Variants in NR2C2 observed in about 807,000 individuals in gnomAD.
The protein encoded by NR2C2 is nuclear receptor subfamily 2 group C member 2, also known as Nuclear hormone receptor TR4.
A neutral mutation model predicts 62.9 loss-of-function variants in NR2C2; 6 were observed. The ratio of observed to expected loss-of-function variants is 0.10; its 90% CI spans 0.05 to 0.19. The LOEUF (loss-of-function observed/expected upper bound fraction) is 0.19, where lower values mean the gene tolerates loss of function less well. NR2C2 is among the 10% of genes least tolerant of loss of function. The probability of loss-of-function intolerance (pLI) is 1.00; values close to 1 mark genes in which losing one functional copy is unlikely to be tolerated. For synonymous variants in NR2C2, 272 were observed against 273.8 expected, an observed-to-expected ratio of 0.99 and a Z score of 0.07; for missense variants, 479 against 762.7, an observed-to-expected ratio of 0.63 and a Z score of 4.38.
In NR2C2 at chr3:15,043,135, C is replaced by A; in HGVS notation, c.*127C>A. Reference sequence around the variant, plus strand: ...TTAGCCATTTCCTGTCTGGTTTCTCCTTATCTGTTAATCCCAGACAATAGC... The same window carrying A: ...TTAGCCATTTCCTGTCTGGTTTCTCATTATCTGTTAATCCCAGACAATAGC... On this transcript the variant is annotated 3_prime_UTR_variant, in exon 14 of 14. Coordinates refer to ENST00000425241, the MANE Select transcript of NR2C2 (RefSeq NM_001291694.2). 2 of 838,836 alleles carry A rather than the reference C, an allele frequency of 2.4e-6. No homozygotes were observed. The highest frequency in any genetic ancestry group is 3.4e-6 in the Non-Finnish European group (2 of 583,674). 52.0% of individuals were successfully genotyped at this position (838,836 alleles called of 1,614,324 possible).
Position 15,032,365 on chromosome 3 carries a change from C to G in NR2C2, c.1111-14C>G. 3.1e-6 allele frequency: 5 copies of G among 1,614,178 alleles called. No homozygotes were observed. Among genetic ancestry groups the G allele is most frequent in the Non-Finnish European group, 4.2e-6 (5 of 1,180,014 alleles). ...TTCCTTCACCTCCTGTGCCATGTGC[C>G]TCCTCTTTTCCAGCTAACAATGCCC... is the stretch of plus-strand genomic sequence containing the variant. On this transcript the variant is annotated splice_polypyrimidine_tract_variant and intron_variant, in intron 9 of 13. Coordinates refer to ENST00000425241, the MANE Select transcript of NR2C2 (RefSeq NM_001291694.2).
At chr3:14,984,628 T>G (rs2040465906) in intron 1 of NR2C2, among the ~76,000 whole-genome samples, 1 of 152,236 alleles carries the variant, frequency 6.6e-6, no homozygotes, top group African/African-American at 2.4e-5. Context: ...GTTGCATATA[T>G]CAGTATTTAA....
intron 1 of NR2C2, among the ~76,000 whole-genome samples, chr3:14,997,068 C>T (rs1335959309): frequency 2.6e-5 from 4 of 152,192 alleles, no homozygotes; most frequent in African/African-American, 4.8e-5. Context: ...CACATAATGA[C>T]GGTTCTGTCA....
At chr3:15,019,105 A>G (rs2041599644) in intron 4 of NR2C2, among the ~76,000 whole-genome samples, 1 of 151,364 alleles carries the variant, frequency 6.6e-6, no homozygotes, top group South Asian at 2.1e-4. Context: ...GCACACCTAT[A>G]ATTCCAGCTA....
chr3:15,036,899 A>G (rs1186564468), intron 11 of NR2C2, among the ~76,000 whole-genome samples: 1 of 152,162 alleles, frequency 6.6e-6, no homozygotes, highest in East Asian at 1.9e-4. Context: ...AGGCAGGTGG[A>G]TAACTTGAGG....
At chr3:14,977,078 T>C (rs899500199) in intron 1 of NR2C2, among the ~76,000 whole-genome samples, 4 of 152,224 alleles carry the variant, frequency 2.6e-5, no homozygotes, top group Admixed American at 2.6e-4. Context: ...TCAGTTTTTT[T>C]CTAGTCTCTT....
chr3:14,995,668 C>CGT (rs58878848), intron 1 of NR2C2, among the ~76,000 whole-genome samples: 2,125 of 148,614 alleles, frequency 0.014, 23 homozygotes, highest in South Asian at 0.026. Context: ...GTTTTCATTA[C>CGT]GTGTGTGTGT....
rs2042509426 is a variant in NR2C2, at chr3:15,047,834, T to C, written c.*4826T>C. ...AAGCATGTAAATGACTTTAACTCCT[T>C]TCTATAAGTTATGATTTTAAATTTT... On this transcript the variant is annotated 3_prime_UTR_variant, in exon 14 of 14. Coordinates refer to ENST00000425241, the MANE Select transcript of NR2C2 (RefSeq NM_001291694.2). The C allele has an allele frequency of 6.6e-6, 1 of 152,252 alleles. No homozygotes were observed. 9.4% of individuals were successfully genotyped at this position (152,252 alleles called of 1,614,324 possible).
At chr3:15,033,970 T>G (rs75878885) in intron 10 of NR2C2, among the ~76,000 whole-genome samples, 1,889 of 152,356 alleles carry the variant, frequency 0.012, 26 homozygotes, top group South Asian at 0.058. Context: ...TCTCACTGCC[T>G]TCCTGTGGCT....
intron 9 of NR2C2, among the ~76,000 whole-genome samples, chr3:15,031,345 T>A (rs2041974375): frequency 1.3e-5 from 2 of 151,122 alleles, no homozygotes; most frequent in Non-Finnish European, 2.9e-5. Context: ...GTCTCCAGAC[T>A]GCTGAGTCCT....
chr3:14,979,316 C>A (rs1375089419), intron 1 of NR2C2, among the ~76,000 whole-genome samples: 2 of 152,158 alleles, frequency 1.3e-5, no homozygotes, highest in African/African-American at 4.8e-5. Flanking sequence ...TGATGGACTG[C>A]AAGGTATTCC....
At chr3:15,020,703 A>G (rs370897956) in intron 4 of NR2C2, 50 bp from the exon 5 acceptor site, 2 of 1,594,446 alleles carry the variant, frequency 1.3e-6, no homozygotes, top group African/African-American at 2.7e-5. Context: ...TCTTTGGTGA[A>G]TCCACAAATA....
At chr3:14,981,844 A>C (rs977833320) in intron 1 of NR2C2, among the ~76,000 whole-genome samples, 4 of 152,162 alleles carry the variant, frequency 2.6e-5, no homozygotes, top group African/African-American at 4.8e-5. Flanking sequence ...CGAGGGCAGG[A>C]AGCATCCAGC....
At chr3:14,995,273 T>C (rs2040799532) in intron 1 of NR2C2, among the ~76,000 whole-genome samples, 1 of 149,376 alleles carries the variant, frequency 6.7e-6, no homozygotes, top group Non-Finnish European at 1.5e-5. Context: ...TACAATATTG[T>C]GCAGCCATCG....
At chr3:14,967,633 A>C (rs1337557483) in intron 1 of NR2C2, among the ~76,000 whole-genome samples, 3 of 152,204 alleles carry the variant, frequency 2.0e-5, no homozygotes, top group Non-Finnish European at 2.9e-5. Flanking sequence ...TGAGAGCTTG[A>C]ATCATGTCTA....
At chr3:15,000,375 C>G (rs1369077723) in intron 1 of NR2C2, among the ~76,000 whole-genome samples, 1 of 152,158 alleles carries the variant, frequency 6.6e-6, no homozygotes, top group Non-Finnish European at 1.5e-5. Flanking sequence ...GAATAGTATT[C>G]CATTGTGTGT....
intron 13 of NR2C2, among the ~76,000 whole-genome samples, chr3:15,039,444 A>C (rs949362170): frequency 6.6e-6 from 1 of 152,156 alleles, no homozygotes; most frequent in Non-Finnish European, 1.5e-5. Flanking sequence ...GAGTGTAGAC[A>C]GTGCCAGCAG....
intron 1 of NR2C2, among the ~76,000 whole-genome samples, chr3:14,990,400 G>A (rs1015697209): frequency 3.3e-5 from 5 of 152,186 alleles, no homozygotes; most frequent in Admixed American, 2.6e-4. Context: ...CATATTATTA[G>A]ACAAACTGTT....
Position 15,034,757 on chromosome 3 carries a change from C to G in NR2C2, c.1320C>G (p.Leu440=). 6.2e-7 allele frequency: 1 copy of G among 1,614,102 alleles called. No homozygotes were observed. Among genetic ancestry groups the G allele is most frequent in the South Asian group, 1.1e-5 (1 of 91,060 alleles). ...CCCAGTGTGCCCAGGTCATGAGTCT[C>G]TCCACCATCCTGGCTGCCATTGTCA... The part of the protein sequence containing the change: ...GLAQCAQVMS[L]STILAAIVNH... Residue 440 remains leucine (L), a synonymous_variant, in exon 11 of 14, where the codon CTC becomes CTG. Transcript: ENST00000425241.
Sources: gnomAD v4.1 joint callset for allele counts (sites outside exome capture counted in the v4.1 genomes callset) on GRCh38, gnomAD v4.1.1 for gene constraint, MANE v1.5 for transcripts, NCBI Gene and HGNC (gene_info 2026-07-23, HGNC 2026-07-21) for gene names.